Variants in CPPED1 observed in about 807,000 individuals in gnomAD.
CPPED1 encodes the protein serine/threonine-protein phosphatase CPPED1.
CPPED1 carries 28 observed loss-of-function variants against 28.0 expected under a neutral mutation model. The ratio of observed to expected loss-of-function variants is 1.00; its 90% confidence interval spans 0.74 to 1.37. The LOEUF (loss-of-function observed/expected upper bound fraction) is 1.37. Ranked by LOEUF, CPPED1 falls within the 40% of genes most tolerant of loss-of-function variation. CPPED1 has a pLI of 0.00. For synonymous variants in CPPED1, 198 were observed against 180.2 expected, an observed-to-expected ratio of 1.10 and a Z score of -0.79; for missense variants, 504 against 416.5, an observed-to-expected ratio of 1.21 and a Z score of -1.83.
At chr16:12,795,916 T>C (rs558886456) in intron 1 of CPPED1, among the ~76,000 whole-genome samples, 2 of 152,022 alleles carry the variant, frequency 1.3e-5, no homozygotes, top group South Asian at 4.2e-4. Flanking sequence ...AAATCCCATC[T>C]CTACCAAAAC....
At chr16:12,791,934 C>A (rs984597378) in intron 1 of CPPED1, among the ~76,000 whole-genome samples, 1 of 151,972 alleles carries the variant, frequency 6.6e-6, no homozygotes, top group Non-Finnish European at 1.5e-5. Flanking sequence ...CCTAAAGGGG[C>A]CCAAAGTTCT....
At chr16:12,800,861 A>G (rs1220409344) in intron 1 of CPPED1, among the ~76,000 whole-genome samples, 2 of 150,974 alleles carry the variant, frequency 1.3e-5, no homozygotes, top group African/African-American at 2.4e-5. Flanking sequence ...GTTAACTCAT[A>G]CTCCTCTTTT....
At chr16:12,743,247 A>C (rs1335830603) in intron 2 of CPPED1, among the ~76,000 whole-genome samples, 1 of 152,212 alleles carries the variant, frequency 6.6e-6, no homozygotes, top group Non-Finnish European at 1.5e-5. Context: ...CAGAAAGACT[A>C]TTCAAAAAAT....
chr16:12,672,455 A>T (rs987273907), intron 3 of CPPED1, among the ~76,000 whole-genome samples: 2 of 152,226 alleles, frequency 1.3e-5, no homozygotes, highest in Non-Finnish European at 2.9e-5. Context: ...GGTAATTTAC[A>T]TGTACTGGCA....
chr16:12,672,780 G>C (rs1249688480), intron 3 of CPPED1, among the ~76,000 whole-genome samples: 1 of 152,120 alleles, frequency 6.6e-6, no homozygotes, highest in Non-Finnish European at 1.5e-5. Flanking sequence ...TTTGGAGGCC[G>C]AGGTGGGCAG....
intron 1 of CPPED1, among the ~76,000 whole-genome samples, chr16:12,799,725 CTAGGGT>C (rs2080647942): frequency 6.6e-6 from 1 of 152,188 alleles, no homozygotes; most frequent in Non-Finnish European, 1.5e-5. Flanking sequence ...CAATGGTAGG[CTAGGGT>C]TCAGCACCTA....
chr16:12,796,473 C>T (rs759715325), intron 1 of CPPED1, among the ~76,000 whole-genome samples: 15 of 152,000 alleles, frequency 9.9e-5, no homozygotes, highest in African/African-American at 1.7e-4. Context: ...CCAGCCTGGG[C>T]GACAGAGTGA....
At chr16:12,783,681 T>C (rs16960663) in intron 1 of CPPED1, among the ~76,000 whole-genome samples, 12,957 of 152,054 alleles carry the variant, frequency 0.085, 880 homozygotes, top group African/African-American at 0.19. Context: ...GGACTCTGGT[T>C]TCAAGCCTCC....
intron 2 of CPPED1, among the ~76,000 whole-genome samples, chr16:12,750,313 A>T (rs1473594928): frequency 6.6e-6 from 1 of 152,164 alleles, no homozygotes; most frequent in Non-Finnish European, 1.5e-5. Context: ...TTTCTCACTA[A>T]GCTTAATCAT....
intron 2 of CPPED1, among the ~76,000 whole-genome samples, chr16:12,745,146 T>C (rs755668259): frequency 6.6e-6 from 1 of 152,010 alleles, no homozygotes; most frequent in African/African-American, 2.4e-5. Context: ...TCAAGCAGGC[T>C]AATAAGTGTG....
intron 3 of CPPED1, among the ~76,000 whole-genome samples, chr16:12,674,572 G>A (rs2079868792): frequency 6.6e-6 from 1 of 152,090 alleles, no homozygotes; most frequent in African/African-American, 2.4e-5. Flanking sequence ...CCTGGAAGGG[G>A]GTGGCACAGT....
rs2079807821 is a variant in CPPED1, at chr16:12,663,470, C to T, written c.*1416G>A. On this transcript the variant is annotated 3_prime_UTR_variant, in exon 4 of 4. Coordinates refer to ENST00000381774, the MANE Select transcript of CPPED1 (RefSeq NM_018340.3). ...TACAAAACAGGATTTCAGCAAAACACTAAAAGAAGAGCGTTCTAGTTTTTT... is the reference window on the plus strand; with the variant it reads ...TACAAAACAGGATTTCAGCAAAACATTAAAAGAAGAGCGTTCTAGTTTTTT... 1 of 152,206 alleles carries T rather than the reference C, an allele frequency of 6.6e-6. No homozygotes were observed. The highest frequency in any genetic ancestry group is 2.1e-4 in the South Asian group (1 of 4,830). 9.4% of individuals were successfully genotyped at this position (152,206 alleles called of 1,614,324 possible).
At chr16:12,794,944 G>T (rs911044589) in intron 1 of CPPED1, among the ~76,000 whole-genome samples, 1 of 152,230 alleles carries the variant, frequency 6.6e-6, no homozygotes, top group African/African-American at 2.4e-5. Context: ...GCGGCTTTTG[G>T]CATCACTGGC....
At chr16:12,790,759 T>C (rs940697918) in intron 1 of CPPED1, among the ~76,000 whole-genome samples, 1 of 151,702 alleles carries the variant, frequency 6.6e-6, no homozygotes, top group African/African-American at 2.4e-5. Context: ...TGAAACCCCA[T>C]CTCTACTAAA....
chr16:12,721,653 T>A (rs2080140796), intron 2 of CPPED1, among the ~76,000 whole-genome samples: 1 of 151,750 alleles, frequency 6.6e-6, no homozygotes, highest in Non-Finnish European at 1.5e-5. Context: ...CTTGTGAGGC[T>A]GTGGCGGGAG....
rs1057011742 is a variant in CPPED1, at chr16:12,766,210, T to G, written c.289+14975A>C. On this transcript the variant is annotated intron_variant, in intron 2 of 3. Transcript: ENST00000381774. ...GAGTTCGAGACCAGCCTGGCCAACATGGTGAAACCCCATCTCTACAAAAAA... is the reference window on the plus strand; with the variant it reads ...GAGTTCGAGACCAGCCTGGCCAACAGGGTGAAACCCCATCTCTACAAAAAA... 7.5e-5 allele frequency among the ~76,000 whole-genome samples: 11 copies of G among 145,938 alleles called. No homozygotes were observed. The South Asian group carries it at 1.1e-3, about 14-fold the overall frequency.
chr16:12,780,534 A>C (rs780915309), intron 2 of CPPED1, among the ~76,000 whole-genome samples: 1 of 152,126 alleles, frequency 6.6e-6, no homozygotes. Flanking sequence ...GGTTTCTGAC[A>C]AAAGGATACA....
chr16:12,668,387 C>A (rs2079836876), intron 3 of CPPED1, among the ~76,000 whole-genome samples: 1 of 151,880 alleles, frequency 6.6e-6, no homozygotes, highest in African/African-American at 2.4e-5. Flanking sequence ...TAAGTTATTG[C>A]CATGTTTGGA....
intron 2 of CPPED1, among the ~76,000 whole-genome samples, chr16:12,747,390 C>G (rs749679730): frequency 4.6e-5 from 7 of 151,434 alleles, no homozygotes; most frequent in Non-Finnish European, 1.0e-4. Context: ...CATGATTGCA[C>G]CACTGCATTC....
Sources: gnomAD v4.1 joint callset for allele counts (sites outside exome capture counted in the v4.1 genomes callset) on GRCh38, gnomAD v4.1.1 for gene constraint, MANE v1.5 for transcripts, NCBI Gene and HGNC (gene_info 2026-07-23, HGNC 2026-07-21) for gene names.